GPRIN3: variants seen among roughly 807,000 people sequenced by gnomAD.
GPRIN3 encodes the protein G protein-regulated inducer of neurite outgrowth 3.
A neutral mutation model predicts 13.7 loss-of-function variants in GPRIN3; 12 were observed. The ratio of observed to expected loss-of-function variants is 0.87; its 90% CI spans 0.56 to 1.42. The LOEUF is 1.42. Ranked by LOEUF, GPRIN3 falls within the 40% of genes most tolerant of loss-of-function variation. GPRIN3 has a pLI of 0.00. For missense variants in GPRIN3, 1,009 were observed against 958.7 expected (o/e 1.05, Z -0.69); for synonymous variants, 377 against 372.7 (o/e 1.01, Z -0.13).
At chr4:89,268,661 A>G (rs986166946) in intron 1 of GPRIN3, among the ~76,000 whole-genome samples, 2 of 152,246 alleles carry the variant, frequency 1.3e-5, no homozygotes, top group Non-Finnish European at 2.9e-5. Flanking sequence ...TTCTGAAGCC[A>G]CTACTGAAGT....
chr4:89,270,565 TTATATATATATATATATATATA>T (rs1199230242), intron 1 of GPRIN3, among the ~76,000 whole-genome samples: 2 of 82,348 alleles, frequency 2.4e-5, no homozygotes, highest in Non-Finnish European at 4.3e-5. Context: ...TGTATATAAT[TTATATATATATATATATATATA>T]TATATATATA....
rs1722819351 is a variant in GPRIN3, at chr4:89,237,662, C to T, written c.*10118G>A. 6.6e-6 allele frequency: 1 copy of T among 152,122 alleles called. No individual in the cohort carries two copies. Among genetic ancestry groups the T allele is most frequent in the African/African-American group, 2.4e-5 (1 of 41,410 alleles). 9.4% of individuals were successfully genotyped at this position (152,122 alleles called of 1,614,324 possible). A position where few individuals can be genotyped will look rare whatever the true frequency, so the allele number is the denominator to read the frequency against. On this transcript the variant is annotated 3_prime_UTR_variant, in exon 2 of 2. Coordinates refer to ENST00000609438, the MANE Select transcript of GPRIN3 (RefSeq NM_198281.3). The stretch of plus-strand genomic sequence containing the variant: ...TGTAAGAAATAAATTTATTTACAAG[C>T]CTCCCAGTTTATGATACTTTATTAT...
At chr4:89,281,943 T>C (rs1009302728) in intron 1 of GPRIN3, among the ~76,000 whole-genome samples, 1 of 151,452 alleles carries the variant, frequency 6.6e-6, no homozygotes, top group Non-Finnish European at 1.5e-5. Context: ...TTTATTATAA[T>C]GCATTGCTAT....
At position 89,241,893 on chromosome 4, in the gene GPRIN3, A is replaced by G. The variant is rs774838082; in HGVS notation, c.*5887T>C. On this transcript the variant is annotated 3_prime_UTR_variant, in exon 2 of 2. Coordinates refer to ENST00000609438, the MANE Select transcript of GPRIN3 (RefSeq NM_198281.3). ...AGAAAAAAAACTGTTTAACTGCTCA[A>G]GAGTTTTTCTAAAGAGAGACAATTT... 8 of 152,196 alleles carry G rather than the reference A, an allele frequency of 5.3e-5. No homozygotes were observed. Among genetic ancestry groups the G allele is most frequent in the African/African-American group, 7.2e-5 (3 of 41,454 alleles). 9.4% of individuals were successfully genotyped at this position (152,196 alleles called of 1,614,324 possible).
intron 1 of GPRIN3, among the ~76,000 whole-genome samples, chr4:89,278,688 G>A (rs1221737144): frequency 6.6e-6 from 1 of 152,188 alleles, no homozygotes; most frequent in East Asian, 1.9e-4. Context: ...TGCCTATATA[G>A]TAGGTACTGC....
chr4:89,279,415 A>G (rs1383396400), intron 1 of GPRIN3, among the ~76,000 whole-genome samples: 1 of 152,120 alleles, frequency 6.6e-6, no homozygotes, highest in Non-Finnish European at 1.5e-5. Context: ...TCAAGCCTCT[A>G]TCATCAGGGA....
At chr4:89,252,064 C>T (rs1425260918) in intron 1 of GPRIN3, among the ~76,000 whole-genome samples, 1 of 151,856 alleles carries the variant, frequency 6.6e-6, no homozygotes, top group East Asian at 1.9e-4. Context: ...CCTCGACCTC[C>T]CAGGCTCAAG....
intron 1 of GPRIN3, among the ~76,000 whole-genome samples, chr4:89,279,560 T>C (rs1724187950): frequency 6.6e-6 from 1 of 152,222 alleles, no homozygotes; most frequent in Non-Finnish European, 1.5e-5. Context: ...TCTACTATCA[T>C]GTTGTTTCTT....
At chr4:89,270,565 TTATATATATATATATATATA>T (rs1199230242) in intron 1 of GPRIN3, among the ~76,000 whole-genome samples, 18 of 82,348 alleles carry the variant, frequency 2.2e-4, no homozygotes, top group South Asian at 4.4e-4. Context: ...TGTATATAAT[TTATATATATATATATATATA>T]TATATATATA....
intron 1 of GPRIN3, among the ~76,000 whole-genome samples, chr4:89,263,696 T>C (rs1211101250): frequency 1.3e-5 from 2 of 152,198 alleles, no homozygotes; most frequent in African/African-American, 4.8e-5. Context: ...TTATTGTCAT[T>C]TGTCAGATTC....
At chr4:89,283,947 G>A (rs1397011835) in intron 1 of GPRIN3, among the ~76,000 whole-genome samples, 4 of 152,162 alleles carry the variant, frequency 2.6e-5, no homozygotes, top group African/African-American at 9.7e-5. Context: ...ACTGGCAGCA[G>A]GAACTGAGGG....
rs542138520 is a variant in GPRIN3, at chr4:89,281,734, A to G, written c.-124+25881T>C. On this transcript the variant is annotated intron_variant, in intron 1 of 1. Coordinates refer to ENST00000609438, the MANE Select transcript of GPRIN3 (RefSeq NM_198281.3). ...GACAGAACACATTTCTGTTGTTTTA[A>G]GCCACCCAGTTTGTGGTATTTTGTT... 1.6e-3 allele frequency among the ~76,000 whole-genome samples: 245 copies of G among 152,314 alleles called. 1 individual carries two copies. The highest frequency in any genetic ancestry group is 1.4e-3 in the Admixed American group (21 of 15,302).
At chr4:89,284,570 G>A (rs1036059903) in intron 1 of GPRIN3, among the ~76,000 whole-genome samples, 3 of 152,186 alleles carry the variant, frequency 2.0e-5, no homozygotes, top group African/African-American at 7.2e-5. Flanking sequence ...AATAATATTA[G>A]TGATTATGGT....
At chr4:89,259,476 C>T (rs905400455) in intron 1 of GPRIN3, among the ~76,000 whole-genome samples, 1 of 152,192 alleles carries the variant, frequency 6.6e-6, no homozygotes, top group Admixed American at 6.5e-5. Flanking sequence ...AAACAACACG[C>T]TAATAAAAGT....
At chr4:89,257,385 C>T (rs1323487604) in intron 1 of GPRIN3, among the ~76,000 whole-genome samples, 1 of 152,122 alleles carries the variant, frequency 6.6e-6, no homozygotes, top group African/African-American at 2.4e-5. Context: ...GCACGATGAC[C>T]CTAAATATTC....
At chr4:89,289,766 T>C (rs1231302854) in intron 1 of GPRIN3, among the ~76,000 whole-genome samples, 1 of 152,114 alleles carries the variant, frequency 6.6e-6, no homozygotes, top group African/African-American at 2.4e-5. Flanking sequence ...ACTCCTCCAA[T>C]GCAGCTTATG....
chr4:89,267,698 A>T (rs1307158643), intron 1 of GPRIN3, among the ~76,000 whole-genome samples: 1 of 152,116 alleles, frequency 6.6e-6, no homozygotes, highest in Non-Finnish European at 1.5e-5. Context: ...TGAATTTAGG[A>T]TCTATTATCT....
intron 1 of GPRIN3, among the ~76,000 whole-genome samples, chr4:89,265,032 C>A (rs1457903845): frequency 1.3e-5 from 2 of 152,108 alleles, no homozygotes; most frequent in African/African-American, 4.8e-5. Context: ...TGTGTTTTGG[C>A]CTGCATTTGT....
At chr4:89,277,127 T>C (rs537958305) in intron 1 of GPRIN3, among the ~76,000 whole-genome samples, 46 of 152,300 alleles carry the variant, frequency 3.0e-4, no homozygotes, top group African/African-American at 1.1e-3. Context: ...TGGACGGTGC[T>C]GTGGCCTCAG....
Sources: gnomAD v4.1 joint callset for allele counts (sites outside exome capture counted in the v4.1 genomes callset) on GRCh38, gnomAD v4.1.1 for gene constraint, MANE v1.5 for transcripts, NCBI Gene and HGNC (gene_info 2026-07-23, HGNC 2026-07-21) for gene names.